The following PIP5K1B variants were observed in gnomAD, a reference collection of about 807,000 sequenced individuals.
PIP5K1B encodes phosphatidylinositol-4-phosphate 5-kinase type 1 beta.
In PIP5K1B, 42 loss-of-function variants were observed where a neutral mutation model predicts 67.0. The ratio of observed to expected loss-of-function variants is 0.63; its 90% CI spans 0.49 to 0.81. The LOEUF (loss-of-function observed/expected upper bound fraction) is 0.81. PIP5K1B is among the 30% of genes least tolerant of loss of function. The probability of loss-of-function intolerance (pLI) is 0.00; values close to 1 mark genes in which losing one functional copy is unlikely to be tolerated. For missense variants in PIP5K1B, 459 were observed against 646.3 expected, an observed-to-expected ratio of 0.71 and a Z score of 3.14; for synonymous variants, 214 against 231.4, an observed-to-expected ratio of 0.92 and a Z score of 0.68.
At chr9:68,859,577 C>A (rs960410919) in intron 4 of PIP5K1B, among the ~76,000 whole-genome samples, 6 of 152,192 alleles carry the variant, frequency 3.9e-5, no homozygotes, top group Non-Finnish European at 8.8e-5. Flanking sequence ...AGAGCATATG[C>A]CAAGCCATGC....
chr9:68,774,545 T>C (rs1830819722), intron 2 of PIP5K1B, among the ~76,000 whole-genome samples: 2 of 152,232 alleles, frequency 1.3e-5, no homozygotes, highest in Non-Finnish European at 2.9e-5. Context: ...TAACTTTATA[T>C]AGAAACGTGT....
chr9:68,946,768 T>C (rs1478058885), intron 14 of PIP5K1B, among the ~76,000 whole-genome samples: 1 of 152,022 alleles, frequency 6.6e-6, no homozygotes, highest in African/African-American at 2.4e-5. Context: ...CCTCAGATGG[T>C]GGTGGGTAAA....
rs554752382 is a variant in PIP5K1B, at chr9:68,822,296, C to T, written c.1-319C>T. ...TGATCACACCACTGCATTCCAATTCCAGCCTGGGTGATAGAGTGAAACCCC... is the reference window on the plus strand; with the variant it reads ...TGATCACACCACTGCATTCCAATTCTAGCCTGGGTGATAGAGTGAAACCCC... On this transcript the variant is annotated intron_variant, in intron 3 of 15. Transcript: ENST00000265382. 4.6e-4 allele frequency: 88 copies of T among 192,706 alleles called. 1 individual carries two copies. The highest frequency in any genetic ancestry group is 1.8e-3 in the African/African-American group (78 of 42,390). The allele number at this position is 192,706 out of a possible 1,614,324, so 11.9% of individuals were successfully genotyped here. A position where few individuals can be genotyped will look rare whatever the true frequency, so the allele number is the denominator to read the frequency against.
chr9:68,882,493 A>G (rs915472379), intron 6 of PIP5K1B, among the ~76,000 whole-genome samples: 2 of 152,230 alleles, frequency 1.3e-5, no homozygotes, highest in African/African-American at 4.8e-5. Context: ...CCAATGAAAT[A>G]GTCTTCATAT....
At chr9:68,941,543 A>G (rs557555406) in intron 14 of PIP5K1B, among the ~76,000 whole-genome samples, 1 of 152,346 alleles carries the variant, frequency 6.6e-6, no homozygotes, top group South Asian at 2.1e-4. Flanking sequence ...GAATTTTTAT[A>G]TAAGCACTGT....
chr9:68,927,340 C>T (rs1826761566), intron 12 of PIP5K1B, among the ~76,000 whole-genome samples: 1 of 152,202 alleles, frequency 6.6e-6, no homozygotes, highest in Non-Finnish European at 1.5e-5. Flanking sequence ...TTTTGAGGAA[C>T]TGTCAAACTC....
intron 7 of PIP5K1B, among the ~76,000 whole-genome samples, chr9:68,894,050 C>A (rs888469075): frequency 2.0e-5 from 3 of 152,176 alleles, no homozygotes; most frequent in Admixed American, 6.5e-5. Flanking sequence ...AGAGAATAGT[C>A]ACTCATGGCA....
chr9:68,894,363 CTT>C lies in PIP5K1B; in HGVS notation c.499_500del (p.Leu167AlafsTer15), dbSNP rs1824970607. 5.6e-6 allele frequency: 9 copies of C among 1,606,464 alleles called. No homozygotes were observed. Among genetic ancestry groups the C allele is most frequent in the African/African-American group, 1.3e-5 (1 of 74,844 alleles). ...YMNLNQNPRT[L>X]LPKFYGLYCM... Reference sequence around the variant, plus strand: ...GAATTTAAACCAGAATCCAAGGACTCTTTTGCCAAAATTTTACGGACTGTATT... The same window carrying C: ...GAATTTAAACCAGAATCCAAGGACTCTTGCCAAAATTTTACGGACTGTATT... On this transcript the variant is annotated frameshift_variant, in exon 8 of 16. Coordinates refer to ENST00000265382, the MANE Select transcript of PIP5K1B (RefSeq NM_003558.4). LOFTEE classifies it high-confidence loss of function.
chr9:68,845,607 T>A (rs1426631767), intron 4 of PIP5K1B, among the ~76,000 whole-genome samples: 1 of 152,186 alleles, frequency 6.6e-6, no homozygotes, highest in East Asian at 1.9e-4. Context: ...GCGTGGGAGC[T>A]GCAGGCAGGT....
At chr9:68,781,064 A>G in intron 2 of PIP5K1B, 1 of 1,582,494 alleles carries the variant, frequency 6.3e-7, no homozygotes, top group Non-Finnish European at 8.6e-7. Context: ...TGCAGTGGAG[A>G]GAGAGAATAA....
At chr9:68,801,525 G>A (rs1277155303) in intron 2 of PIP5K1B, among the ~76,000 whole-genome samples, 1 of 152,176 alleles carries the variant, frequency 6.6e-6, no homozygotes, top group African/African-American at 2.4e-5. Flanking sequence ...TATATTCCAA[G>A]ACTAAAGATT....
chr9:68,824,088 A>G (rs577264728), intron 4 of PIP5K1B: 27 of 518,976 alleles, frequency 5.2e-5, no homozygotes, highest in South Asian at 3.5e-4. Flanking sequence ...ACTATTATTT[A>G]TTTTTAGACA....
At chr9:69,007,983 TTTTAAATAGCTACCA>T (rs540869047) in intron 15 of PIP5K1B, among the ~76,000 whole-genome samples, 29 of 152,148 alleles carry the variant, frequency 1.9e-4, no homozygotes, top group Non-Finnish European at 2.4e-4. Context: ...CTGGCTCTGA[TTTTAAATAGCTACCA>T]TTTAAATAGC....
At chr9:68,939,876 A>G (rs971389630) in intron 13 of PIP5K1B, among the ~76,000 whole-genome samples, 2 of 152,314 alleles carry the variant, frequency 1.3e-5, no homozygotes, top group Non-Finnish European at 2.9e-5. Context: ...TAAAGTTATA[A>G]TTGTATTTAT....
At chr9:68,815,758 T>C (rs996595822) in intron 2 of PIP5K1B, among the ~76,000 whole-genome samples, 3 of 152,102 alleles carry the variant, frequency 2.0e-5, no homozygotes, top group African/African-American at 4.8e-5. Flanking sequence ...ATATCACTTA[T>C]GAAAATATGC....
intron 15 of PIP5K1B, among the ~76,000 whole-genome samples, chr9:68,998,797 A>G (rs978782375): frequency 4.6e-5 from 7 of 152,174 alleles, no homozygotes; most frequent in Non-Finnish European, 8.8e-5. Context: ...CTGAGGGGGA[A>G]TGGGAAAATG....
intron 12 of PIP5K1B, among the ~76,000 whole-genome samples, chr9:68,923,843 T>G (rs1826534958): frequency 6.6e-6 from 1 of 152,150 alleles, no homozygotes. Flanking sequence ...AAAACAAGTC[T>G]CAGTACATTT....
intron 2 of PIP5K1B, among the ~76,000 whole-genome samples, chr9:68,750,810 G>A (rs961620262): frequency 6.6e-6 from 1 of 152,180 alleles, no homozygotes; most frequent in African/African-American, 2.4e-5. Flanking sequence ...GCACAAGGGG[G>A]CAGGTTGTGA....
At chr9:68,868,937 C>A (rs1029073960) in intron 5 of PIP5K1B, among the ~76,000 whole-genome samples, 2 of 152,190 alleles carry the variant, frequency 1.3e-5, no homozygotes, top group African/African-American at 4.8e-5. Context: ...GGAATACCCA[C>A]CTTTTGGAAA....
Sources: allele counts gnomAD v4.1 joint callset (sites outside exome capture counted in the v4.1 genomes callset), GRCh38; gene constraint gnomAD v4.1.1; transcripts MANE v1.5; gene names NCBI Gene and HGNC (gene_info 2026-07-23, HGNC 2026-07-21).